Variants in SPAG1 observed in about 807,000 individuals in gnomAD.
The protein encoded by SPAG1 is sperm associated antigen 1.
In SPAG1, 69 loss-of-function variants were observed where a neutral mutation model predicts 100.5. That is an observed-to-expected ratio of 0.69 (90% confidence interval 0.57 to 0.84). The LOEUF is 0.84. Ranked by LOEUF, SPAG1 falls within the 40% of genes least tolerant of loss-of-function variation. The pLI is 0.00. For synonymous variants in SPAG1, 336 were observed against 411.6 expected (o/e 0.82, Z 2.22); for missense variants, 955 against 1,133.1 (o/e 0.84, Z 2.26).
chr8:100,167,361 C>A (rs1011084679), intron 3 of SPAG1, among the ~76,000 whole-genome samples: 1 of 152,112 alleles, frequency 6.6e-6, no homozygotes, highest in Non-Finnish European at 1.5e-5. Flanking sequence ...GCTTTTTCCT[C>A]TATATGCATA....
intron 9 of SPAG1, among the ~76,000 whole-genome samples, chr8:100,192,175 A>T (rs545137049): frequency 3.3e-5 from 5 of 152,200 alleles, no homozygotes; most frequent in African/African-American, 1.2e-4. Flanking sequence ...TCAAAAATTT[A>T]GGAAACCAGC....
intron 14 of SPAG1, 89 bp from the exon 15 acceptor site, chr8:100,231,067 G>A (rs1447746461): frequency 1.0e-5 from 12 of 1,169,234 alleles, no homozygotes; most frequent in Non-Finnish European, 1.3e-5. Context: ...AAGTTAATTT[G>A]CAATAGAAGA....
At chr8:100,215,771 G>A (rs914993503) in intron 12 of SPAG1, among the ~76,000 whole-genome samples, 2 of 152,124 alleles carry the variant, frequency 1.3e-5, no homozygotes, top group African/African-American at 2.4e-5. Flanking sequence ...TGATCCACCC[G>A]CCTCGGCCTC....
intron 10 of SPAG1, among the ~76,000 whole-genome samples, chr8:100,201,124 TTCC>T (rs1037862855): frequency 5.9e-5 from 9 of 152,082 alleles, no homozygotes; most frequent in African/African-American, 2.2e-4. Flanking sequence ...CCTTCCTTCC[TTCC>T]TTTTTTTAGA....
chr8:100,161,454 G>A (rs1815301913), intron 1 of SPAG1, among the ~76,000 whole-genome samples: 1 of 152,176 alleles, frequency 6.6e-6, no homozygotes. Flanking sequence ...TGACTGAGTG[G>A]TTAAGTTAAA....
rs772885427 is a variant in SPAG1 at position 100,240,435 on chromosome 8, T to C, written c.2313T>C (p.Pro771=). 1.2e-6 allele frequency: 2 copies of C among 1,610,532 alleles called. No individual in the cohort carries two copies. Among genetic ancestry groups the C allele is most frequent in the South Asian group, 1.1e-5 (1 of 90,498 alleles). ...AAGGCAAGGAGGAGCCTGGAAGACC[T>C]GCAGGGGAGGTCTCCATGGGATGCC... ...VNEGKEEPGR[P]AGEVSMGCLA... The change falls in exon 18 of 19, where the codon CCT becomes CCC. Residue 771 remains proline, a synonymous_variant. Coordinates refer to ENST00000388798, the MANE Select transcript of SPAG1 (RefSeq NM_003114.5).
At chr8:100,193,654 C>T (rs957287523) in intron 9 of SPAG1, among the ~76,000 whole-genome samples, 1 of 152,140 alleles carries the variant, frequency 6.6e-6, no homozygotes, top group Non-Finnish European at 1.5e-5. Context: ...TGGTAGCTCA[C>T]GCCTGTAATC....
intron 16 of SPAG1, among the ~76,000 whole-genome samples, chr8:100,236,234 T>C (rs1028490199): frequency 6.6e-6 from 1 of 152,236 alleles, no homozygotes; most frequent in Non-Finnish European, 1.5e-5. Flanking sequence ...CACTAGATTA[T>C]GAGGCTGGTA....
At chr8:100,173,603 TACTC>T (rs1815978043) in intron 3 of SPAG1, among the ~76,000 whole-genome samples, 1 of 152,188 alleles carries the variant, frequency 6.6e-6, no homozygotes, top group South Asian at 2.1e-4. Flanking sequence ...ATAAATCTCT[TACTC>T]AATTTTTTTT....
chr8:100,233,333 A>G, intron 15 of SPAG1, 78 bp from the exon 16 acceptor site: 1 of 1,518,140 alleles, frequency 6.6e-7, no homozygotes, highest in Non-Finnish European at 9.0e-7. Flanking sequence ...CTATTTTCTG[A>G]TTTTTCTTAG....
At chr8:100,225,692 C>G (rs1421237859) in intron 14 of SPAG1, among the ~76,000 whole-genome samples, 1 of 152,056 alleles carries the variant, frequency 6.6e-6, no homozygotes. Context: ...CCAGGCTGGT[C>G]TCAAACTCCT....
intron 10 of SPAG1, among the ~76,000 whole-genome samples, chr8:100,201,999 G>A (rs1424896694): frequency 2.0e-5 from 3 of 152,212 alleles, no homozygotes; most frequent in African/African-American, 4.8e-5. Flanking sequence ...CTGTTGGTGA[G>A]AAGTTCTGGA....
intron 3 of SPAG1, among the ~76,000 whole-genome samples, chr8:100,171,238 T>C (rs1294237093): frequency 6.6e-6 from 1 of 152,200 alleles, no homozygotes; most frequent in Non-Finnish European, 1.5e-5. Flanking sequence ...CTGGATTTGA[T>C]TTGCTAAAAT....
rs186103443 is a variant in SPAG1 at position 100,162,509 on chromosome 8, T to G, written c.140+89T>G. On this transcript the variant is annotated intron_variant, in intron 2 of 18. Coordinates refer to ENST00000388798, the MANE Select transcript of SPAG1 (RefSeq NM_003114.5). ...CTAAAGGTAAAAGCTACATTAGAAATATCTGTTTTTGCCCATGCATGGTAG... is the reference window on the plus strand; with the variant it reads ...CTAAAGGTAAAAGCTACATTAGAAAGATCTGTTTTTGCCCATGCATGGTAG... 467 of 1,132,540 alleles carry G rather than the reference T, an allele frequency of 4.1e-4. 2 individuals carry two copies. The highest frequency in any genetic ancestry group is 2.1e-3 in the Middle Eastern group (7 of 3,306). The allele number at this position is 1,132,540 out of a possible 1,614,324, so 70.2% of individuals were successfully genotyped here.
chr8:100,190,562 T>C lies in SPAG1; in HGVS notation c.833-828T>C, dbSNP rs574583519. On this transcript the variant is annotated intron_variant, in intron 8 of 18. Coordinates refer to ENST00000388798, the MANE Select transcript of SPAG1 (RefSeq NM_003114.5). ...TCATCAGGATTCTCTCAGTTCCCTATGCTAAGTCACTCCTTCTAATCATTT... is the reference window on the plus strand; with the variant it reads ...TCATCAGGATTCTCTCAGTTCCCTACGCTAAGTCACTCCTTCTAATCATTT... 4.9e-4 allele frequency among the ~76,000 whole-genome samples: 74 copies of C among 152,142 alleles called. 1 individual carries two copies. The highest frequency in any genetic ancestry group is 6.9e-4 in the Non-Finnish European group (47 of 67,996).
chr8:100,213,098 G>T lies in SPAG1; in HGVS notation c.1105G>T (p.Glu369Ter). The T allele has an allele frequency of 6.8e-7, 1 of 1,474,826 alleles. No individual in the cohort carries two copies. The highest frequency in any genetic ancestry group is 1.3e-5 in the South Asian group (1 of 78,866). 91.4% of individuals were successfully genotyped at this position (1,474,826 alleles called of 1,614,324 possible). ...EDGGGDKKPA[E>*]PAGAARAAQP... is the part of the protein sequence containing the mutation. The stretch of plus-strand genomic sequence containing the variant: ...CATCCACTTCCTCACAGAGCCCGCG[G>T]AGCCGGCGGGAGCCGCGCGCGCCGC... Residue 369 changes from glutamate to a stop codon, truncating the protein, a stop_gained, in exon 11 of 19, where the codon GAG becomes TAG. Coordinates refer to ENST00000388798, the MANE Select transcript of SPAG1 (RefSeq NM_003114.5). LOFTEE classifies it high-confidence loss of function.
chr8:100,232,708 A>C (rs1444915682), intron 15 of SPAG1, among the ~76,000 whole-genome samples: 1 of 152,188 alleles, frequency 6.6e-6, no homozygotes, highest in African/African-American at 2.4e-5. Flanking sequence ...TCCAAGCTGT[A>C]GCCAGAGGGA....
At chr8:100,212,039 C>A (rs1166179737) in intron 10 of SPAG1, among the ~76,000 whole-genome samples, 1 of 152,220 alleles carries the variant, frequency 6.6e-6, no homozygotes, top group Non-Finnish European at 1.5e-5. Flanking sequence ...GCAGATTTAT[C>A]TTTATAGCAA....
At chr8:100,167,781 C>G (rs1815631662) in intron 3 of SPAG1, among the ~76,000 whole-genome samples, 2 of 152,200 alleles carry the variant, frequency 1.3e-5, no homozygotes, top group Admixed American at 1.3e-4. Context: ...CAGAACATTT[C>G]CATCACCACT....
Sources: allele counts gnomAD v4.1 joint callset (sites outside exome capture counted in the v4.1 genomes callset), GRCh38; gene constraint gnomAD v4.1.1; transcripts MANE v1.5; gene names NCBI Gene and HGNC (gene_info 2026-07-23, HGNC 2026-07-21).